Variants in SCN9A observed in about 807,000 individuals in gnomAD.
The protein encoded by SCN9A is sodium voltage-gated channel alpha subunit 9.
In SCN9A, 131 loss-of-function variants were observed where a neutral mutation model predicts 187.0. The ratio of observed to expected loss-of-function variants is 0.70; its 90% confidence interval spans 0.61 to 0.81. The LOEUF (loss-of-function observed/expected upper bound fraction) is 0.81, where lower values mean the gene tolerates loss of function less well. Among genes scored for constraint, SCN9A ranks in the 30% least tolerant of loss-of-function variants. The pLI, the probability that SCN9A is intolerant of heterozygous loss-of-function variation, is 0.00. For synonymous variants in SCN9A, 809 were observed against 808.6 expected (o/e 1.00, Z -0.01); for missense variants, 2,252 against 2,396.6 (o/e 0.94, Z 1.26).
At chr2:166,300,804 G>A (rs1247363894) in intron 7 of SCN9A, 9 of 150,944 alleles carry the variant, frequency 6.0e-5, no homozygotes, top group Admixed American at 6.6e-5. Flanking sequence ...AGACAGGATT[G>A]TGGTATAAGA....
In SCN9A at chr2:166,304,278, GA is replaced by G; in HGVS notation, c.647del (p.Phe216SerfsTer4). ...TAGTTTTCAAAGCTCTCAATACTCT[GA>G]AAGTTCGAAGAGCTGAAACATTGCC... is the stretch of plus-strand genomic sequence containing the variant. ...NLGNVSALRT[F>X]RVLRALKTIS... On this transcript the variant is annotated frameshift_variant, in exon 6 of 27. Coordinates refer to ENST00000642356, the MANE Select transcript of SCN9A (RefSeq NM_001365536.1). LOFTEE classifies it high-confidence loss of function. 1 of 1,613,522 alleles carries G rather than the reference GA, an allele frequency of 6.2e-7. No individual in the cohort carries two copies. Among genetic ancestry groups the G allele is most frequent in the Non-Finnish European group, 8.5e-7 (1 of 1,179,544 alleles).
chr2:166,260,517 T>C (rs1190006900), intron 17 of SCN9A, among the ~76,000 whole-genome samples: 1 of 151,930 alleles, frequency 6.6e-6, no homozygotes, highest in Non-Finnish European at 1.5e-5. Context: ...TTACGGATTG[T>C]GCTTTGCTTT....
chr2:166,368,723 C>T (rs1700479244), intron 1 of SCN9A, among the ~76,000 whole-genome samples: 1 of 149,524 alleles, frequency 6.7e-6, no homozygotes, highest in East Asian at 2.0e-4. Flanking sequence ...CATGGTGGCT[C>T]ACGCCTATAA....
intron 2 of SCN9A, among the ~76,000 whole-genome samples, chr2:166,309,818 G>A (rs2106532002): frequency 6.7e-6 from 1 of 148,766 alleles, no homozygotes; most frequent in South Asian, 2.2e-4. Flanking sequence ...AAAGAACAAA[G>A]CTGGAGGCAT....
In SCN9A at chr2:166,362,997, C is replaced by T. The variant is rs114143095; in HGVS notation, c.-51+12700G>A. Reference sequence around the variant, plus strand: ...GTCACCATTTTTCATTTGCTTGTAACTCCCCAGTGGGAAAAGGTATTGCCT... The same window carrying T: ...GTCACCATTTTTCATTTGCTTGTAATTCCCCAGTGGGAAAAGGTATTGCCT... On this transcript the variant is annotated intron_variant, in intron 1 of 26. Coordinates refer to ENST00000642356, the MANE Select transcript of SCN9A (RefSeq NM_001365536.1). Among the ~76,000 whole-genome samples, 388 of 152,034 alleles carry T rather than the reference C, an allele frequency of 2.6e-3. 2 individuals are homozygous for T. Among genetic ancestry groups the T allele is most frequent in the African/African-American group, 8.9e-3 (370 of 41,550 alleles).
At chr2:166,363,639 G>A (rs948647459) in intron 1 of SCN9A, among the ~76,000 whole-genome samples, 1 of 151,994 alleles carries the variant, frequency 6.6e-6, no homozygotes, top group African/African-American at 2.4e-5. Context: ...GGGACAATGG[G>A]TATGGGAAAG....
At chr2:166,331,217 C>T (rs992836618) in intron 1 of SCN9A, among the ~76,000 whole-genome samples, 3 of 152,064 alleles carry the variant, frequency 2.0e-5, no homozygotes, top group Non-Finnish European at 2.9e-5. Flanking sequence ...CTTCCCTTTA[C>T]TTTGTATCAA....
intron 1 of SCN9A, among the ~76,000 whole-genome samples, chr2:166,371,781 A>G (rs1252021586): frequency 2.0e-5 from 3 of 152,204 alleles, no homozygotes; most frequent in Non-Finnish European, 4.4e-5. Flanking sequence ...ACCATCTTCA[A>G]TTAGTACACA....
At chr2:166,238,980 T>G (rs1223878623) in intron 19 of SCN9A, among the ~76,000 whole-genome samples, 1 of 152,236 alleles carries the variant, frequency 6.6e-6, no homozygotes, top group Non-Finnish European at 1.5e-5. Context: ...CTCTATCTAA[T>G]GTAGGGCTTA....
At chr2:166,270,775 A>G (rs1171851249) in intron 17 of SCN9A, among the ~76,000 whole-genome samples, 1 of 150,584 alleles carries the variant, frequency 6.6e-6, no homozygotes, top group Non-Finnish European at 1.5e-5. Context: ...ATATATATAT[A>G]TATATATCAG....
intron 7 of SCN9A, chr2:166,295,881 G>A (rs2106508847): frequency 6.6e-6 from 1 of 152,208 alleles, no homozygotes; most frequent in African/African-American, 2.4e-5. Context: ...CAACTCTTCT[G>A]TCATTTGCTG....
intron 1 of SCN9A, among the ~76,000 whole-genome samples, chr2:166,359,448 A>T (rs1156554021): frequency 6.6e-6 from 1 of 152,164 alleles, no homozygotes; most frequent in Non-Finnish European, 1.5e-5. Context: ...TAAGTGTATC[A>T]ATATATATGA....
chr2:166,267,982 A>T (rs942306074), intron 17 of SCN9A, among the ~76,000 whole-genome samples: 1 of 151,980 alleles, frequency 6.6e-6, no homozygotes, highest in Non-Finnish European at 1.5e-5. Flanking sequence ...GTCCCCAAGT[A>T]TGTCTTTCAC....
At chr2:166,356,218 A>C (rs1700149316) in intron 1 of SCN9A, among the ~76,000 whole-genome samples, 1 of 152,104 alleles carries the variant, frequency 6.6e-6, no homozygotes, top group Non-Finnish European at 1.5e-5. Context: ...GCTACTGTAC[A>C]ACATTTTTTT....
At chr2:166,329,519 A>G (rs1574932129) in intron 1 of SCN9A, among the ~76,000 whole-genome samples, 1 of 150,962 alleles carries the variant, frequency 6.6e-6, no homozygotes, top group Non-Finnish European at 1.5e-5. Context: ...GGAAATTAAC[A>G]TATCTACCAT....
intron 16 of SCN9A, among the ~76,000 whole-genome samples, chr2:166,275,968 C>T (rs12472913): frequency 0.015 from 2,235 of 152,146 alleles, 115 homozygotes; most frequent in Admixed American, 0.097. Flanking sequence ...AGTGAAGGCA[C>T]TTACCATATG....
chr2:166,373,452 C>T (rs556716582), intron 1 of SCN9A, among the ~76,000 whole-genome samples: 2 of 151,732 alleles, frequency 1.3e-5, no homozygotes, highest in South Asian at 4.2e-4. Flanking sequence ...GGCAGGATTC[C>T]AAGTAAATTA....
chr2:166,335,200 T>C (rs1403160387), intron 1 of SCN9A, among the ~76,000 whole-genome samples: 3 of 152,128 alleles, frequency 2.0e-5, no homozygotes, highest in Non-Finnish European at 2.9e-5. Flanking sequence ...ATTGAAAAGA[T>C]TGAATTTGAT....
At chr2:166,299,739 C>T (rs1559024784) in intron 7 of SCN9A, among the ~76,000 whole-genome samples, 1 of 150,846 alleles carries the variant, frequency 6.6e-6, no homozygotes, top group African/African-American at 2.5e-5. Context: ...TCTCCAAACT[C>T]AGCAGGCCCT....
Sources: gnomAD v4.1 joint callset for allele counts (sites outside exome capture counted in the v4.1 genomes callset) on GRCh38, gnomAD v4.1.1 for gene constraint, MANE v1.5 for transcripts, NCBI Gene and HGNC (gene_info 2026-07-23, HGNC 2026-07-21) for gene names.